SCNN1G: variants seen among roughly 807,000 people sequenced by gnomAD.
The protein encoded by SCNN1G is epithelial sodium channel subunit gamma.
Under a neutral mutation model 64.6 loss-of-function variants are expected in SCNN1G, and 27 were observed. That is an observed-to-expected ratio of 0.42 (90% CI 0.31 to 0.58). The LOEUF (loss-of-function observed/expected upper bound fraction) is 0.58, where lower values mean the gene tolerates loss of function less well. SCNN1G is among the 20% of genes least tolerant of loss of function. The probability of loss-of-function intolerance (pLI) is 0.18; values close to 1 mark genes in which losing one functional copy is unlikely to be tolerated. For synonymous variants in SCNN1G, 330 were observed against 314.2 expected (o/e 1.05, Z -0.53); for missense variants, 743 against 823.4 (o/e 0.90, Z 1.19).
intron 3 of SCNN1G, among the ~76,000 whole-genome samples, chr16:23,190,551 A>C (rs982635884): frequency 2.0e-5 from 3 of 152,130 alleles, no homozygotes; most frequent in Admixed American, 1.3e-4. Flanking sequence ...TGGTGTTGTT[A>C]ATGCTTAAGA....
rs1960152324 is a variant in SCNN1G at position 23,215,829 on chromosome 16, C to A, written c.*360C>A. The A allele has an allele frequency of 8.9e-6, 3 of 336,582 alleles. No individual in the cohort carries two copies. Among genetic ancestry groups the A allele is most frequent in the Non-Finnish European group, 1.7e-5 (3 of 178,304 alleles). The allele number at this position is 336,582 out of a possible 1,614,324, so 20.8% of individuals were successfully genotyped here. On this transcript the variant is annotated 3_prime_UTR_variant, in exon 13 of 13. Transcript: ENST00000300061. The stretch of plus-strand genomic sequence containing the variant: ...GAGAGGGAAGGACTCTTCCAAAGCC[C>A]CAAAGCCGAGGGTTTCACCCACACT...
Position 23,186,579 on chromosome 16 carries a change from A to T in SCNN1G, c.308A>T (p.Asn103Ile). Reference protein sequence around the residue: ...DFPAVTICNINPYKYSTVRHL... With the variant: ...DFPAVTICNIIPYKYSTVRHL... ...CCTGCAGTCACCATCTGCAACATCA[A>T]CCCCTACAAGTAAGAGGCATGAGCA... Residue 103 changes from asparagine to isoleucine, a missense_variant, in exon 2 of 13, where the codon AAC (asparagine) becomes ATC (isoleucine). Asn to Ile is a moderately radical substitution (Grantham distance 149, BLOSUM62 -3). Transcript: ENST00000300061. 6.2e-7 allele frequency: 1 copy of T among 1,611,918 alleles called. No homozygotes were observed. Among genetic ancestry groups the T allele is most frequent in the Non-Finnish European group, 8.5e-7 (1 of 1,179,770 alleles).
At chr16:23,207,797 G>C (rs186443431) in intron 6 of SCNN1G, among the ~76,000 whole-genome samples, 21 of 152,278 alleles carry the variant, frequency 1.4e-4, no homozygotes, top group Non-Finnish European at 2.4e-4. Context: ...GTCAGCAGAT[G>C]AAATGCAATA....
In SCNN1G at chr16:23,215,644, G is replaced by T; in HGVS notation, c.*175G>T. On this transcript the variant is annotated 3_prime_UTR_variant, in exon 13 of 13. Transcript: ENST00000300061. The stretch of plus-strand genomic sequence containing the variant: ...GATGGGGCCTGGGCATGCGCAGGAG[G>T]AGCCATCGGGTACTACGCAGCAACA... The T allele has an allele frequency of 1.4e-6, 1 of 690,838 alleles. No homozygotes were observed. Among genetic ancestry groups the T allele is most frequent in the South Asian group, 1.7e-5 (1 of 58,108 alleles). The allele number at this position is 690,838 out of a possible 1,614,324, so 42.8% of individuals were successfully genotyped here.
chr16:23,215,367 A>G lies in SCNN1G; in HGVS notation c.1848A>G (p.Gly616=). Residue 616 remains glycine, a synonymous_variant, in exon 13 of 13, where the codon GGA becomes GGG. Coordinates refer to ENST00000300061, the MANE Select transcript of SCNN1G (RefSeq NM_001039.4). The stretch of plus-strand genomic sequence containing the variant: ...CTTTGCACCTGCCTCCAGCCCTAGG[A>G]ACCCAAGTGCCCGGCACACCGCCCC... ...NSALHLPPAL[G]TQVPGTPPPK... is the part of the protein sequence containing the mutation. 2 of 1,614,108 alleles carry G rather than the reference A, an allele frequency of 1.2e-6. No homozygotes were observed. Among genetic ancestry groups the G allele is most frequent in the Non-Finnish European group, 8.5e-7 (1 of 1,180,026 alleles).
In SCNN1G at chr16:23,215,415, G is replaced by C. The variant is rs1243101382; in HGVS notation, c.1896G>C (p.Leu632Phe). 6 of 1,613,816 alleles carry C rather than the reference G, an allele frequency of 3.7e-6. No homozygotes were observed. The highest frequency in any genetic ancestry group is 5.1e-6 in the Non-Finnish European group (6 of 1,180,028). Residue 632 changes from leucine to phenylalanine, a missense_variant, in exon 13 of 13, where the codon TTG becomes TTC. Transcript: ENST00000300061. ...CCCCCAAATACAATACCTTGCGCTT[G>C]GAGAGGGCCTTTTCCAACCAGCTCA... ...TPPPKYNTLR[L>F]ERAFSNQLTD...
chr16:23,213,706 C>A (rs1960118164), intron 11 of SCNN1G, among the ~76,000 whole-genome samples: 1 of 152,254 alleles, frequency 6.6e-6, no homozygotes, highest in Non-Finnish European at 1.5e-5. Flanking sequence ...GAGAGCCAAT[C>A]TGGCCAATCT....
chr16:23,197,745 T>A (rs1208034687), intron 6 of SCNN1G, among the ~76,000 whole-genome samples: 1 of 151,930 alleles, frequency 6.6e-6, no homozygotes, highest in Non-Finnish European at 1.5e-5. Context: ...TTGGGTATGG[T>A]AGTGTGTGCC....
At chr16:23,203,867 T>C (rs1261302895) in intron 6 of SCNN1G, among the ~76,000 whole-genome samples, 1 of 150,778 alleles carries the variant, frequency 6.6e-6, no homozygotes, top group Non-Finnish European at 1.5e-5. Context: ...GCCTCAGTGA[T>C]CTCATCTGTA....
At chr16:23,193,404 T>G (rs1288356758) in intron 4 of SCNN1G, among the ~76,000 whole-genome samples, 1 of 152,112 alleles carries the variant, frequency 6.6e-6, no homozygotes, top group East Asian at 1.9e-4. Context: ...GCCAGCACTT[T>G]GGGAGGCTGA....
At chr16:23,208,409 T>C (rs1226955173) in intron 6 of SCNN1G, among the ~76,000 whole-genome samples, 4 of 152,126 alleles carry the variant, frequency 2.6e-5, no homozygotes, top group African/African-American at 9.7e-5. Flanking sequence ...GACAATGCTG[T>C]TTACCTCCTC....
At chr16:23,203,762 T>C (rs1959931060) in intron 6 of SCNN1G, among the ~76,000 whole-genome samples, 2 of 81,344 alleles carry the variant, frequency 2.5e-5, no homozygotes, top group Admixed American at 4.7e-4. Flanking sequence ...AGAGTGAGAC[T>C]CCGTCTCAAA....
intron 3 of SCNN1G, among the ~76,000 whole-genome samples, chr16:23,190,089 G>A (rs1033129368): frequency 6.6e-6 from 1 of 151,824 alleles, no homozygotes; most frequent in Non-Finnish European, 1.5e-5. Context: ...GGGAGAGTTG[G>A]GGGGCAAACG....
intron 6 of SCNN1G, among the ~76,000 whole-genome samples, chr16:23,208,309 T>TGCA (rs1430695653): frequency 6.6e-6 from 1 of 151,952 alleles, no homozygotes; most frequent in African/African-American, 2.4e-5. Flanking sequence ...ATTGTGCCAC[T>TGCA]GCACTCCACC....
intron 6 of SCNN1G, among the ~76,000 whole-genome samples, chr16:23,208,014 C>T (rs548648098): frequency 3.2e-4 from 48 of 152,342 alleles, no homozygotes; most frequent in Admixed American, 1.0e-3. Flanking sequence ...CGTGGATGCA[C>T]ACAGCACACA....
chr16:23,205,461 G>A (rs1052090061), intron 6 of SCNN1G, among the ~76,000 whole-genome samples: 7 of 152,070 alleles, frequency 4.6e-5, no homozygotes, highest in African/African-American at 1.7e-4. Context: ...TCTTTGGGAG[G>A]CCAAGGAGGG....
At chr16:23,194,741 A>G (rs1342158807) in intron 5 of SCNN1G, 3 of 207,726 alleles carry the variant, frequency 1.4e-5, no homozygotes, top group African/African-American at 6.9e-5. Context: ...CTTCGTCTAT[A>G]AAGCGGGACT....
rs148827401 is a variant in SCNN1G at position 23,189,558 on chromosome 16, G to A, written c.505G>A (p.Gly169Ser). ...PLLIFDQDEK[G>S]KARDFFTGRK... ...GCTGATCTTTGATCAGGATGAGAAGGGCAAGGCCAGGGACTTCTTCACAGG... is the reference window on the plus strand; with the variant it reads ...GCTGATCTTTGATCAGGATGAGAAGAGCAAGGCCAGGGACTTCTTCACAGG... The change falls in exon 3 of 13, where the codon GGC becomes AGC. Residue 169 changes from glycine (G) to serine (S), a missense_variant. By Grantham distance (56) the Gly-to-Ser change is moderately conservative. Transcript: ENST00000300061. 8.7e-6 allele frequency: 14 copies of A among 1,614,222 alleles called. No homozygotes were observed. In the African/African-American group the frequency reaches 1.5e-4, roughly 17 times the overall value.
chr16:23,211,787 G>C (rs1472745123), intron 7 of SCNN1G, among the ~76,000 whole-genome samples: 2 of 152,096 alleles, frequency 1.3e-5, no homozygotes, highest in East Asian at 3.9e-4. Context: ...ACTCCAGTCT[G>C]GGCAACAGAG....
Sources: gnomAD v4.1 joint callset for allele counts (sites outside exome capture counted in the v4.1 genomes callset) on GRCh38, gnomAD v4.1.1 for gene constraint, MANE v1.5 for transcripts, NCBI Gene and HGNC (gene_info 2026-07-23, HGNC 2026-07-21) for gene names.